The following FAM227A variants were observed in gnomAD, a reference collection of about 807,000 sequenced individuals.
The protein encoded by FAM227A is family with sequence similarity 227 member A.
FAM227A carries 80 observed loss-of-function variants against 74.7 expected under a neutral mutation model. The observed-to-expected ratio is 1.07, with a 90% confidence interval of 0.89 to 1.29. The LOEUF (loss-of-function observed/expected upper bound fraction) is 1.29. FAM227A is among the 50% of genes most tolerant of loss of function. FAM227A has a pLI of 0.00. For missense variants in FAM227A, 654 were observed against 683.4 expected (o/e 0.96, Z 0.48); for synonymous variants, 237 against 241.8 (o/e 0.98, Z 0.19).
chr22:38,651,347 C>T (rs1441898693), intron 1 of FAM227A, among the ~76,000 whole-genome samples: 1 of 152,116 alleles, frequency 6.6e-6, no homozygotes, highest in East Asian at 1.9e-4. Flanking sequence ...ACTGTGATTC[C>T]TTTTAGACTT....
In FAM227A at chr22:38,585,775, T is replaced by G. The variant is rs2090793238; in HGVS notation, c.*350A>C. The G allele has an allele frequency of 2.6e-6, 1 of 379,240 alleles. No homozygotes were observed. The highest frequency in any genetic ancestry group is 2.0e-5 in the African/African-American group (1 of 49,518). The allele number at this position is 379,240 out of a possible 1,614,324, so 23.5% of individuals were successfully genotyped here. Reference sequence around the variant, plus strand: ...AGAACTTCGGAAACCTTTCTAAACCTGGGCTTGCTGCTGCGTAAAATGCAG... The same window carrying G: ...AGAACTTCGGAAACCTTTCTAAACCGGGGCTTGCTGCTGCGTAAAATGCAG... On this transcript the variant is annotated 3_prime_UTR_variant, in exon 17 of 17. Transcript: ENST00000535113.
At chr22:38,652,938 C>T (rs947321519) in intron 1 of FAM227A, among the ~76,000 whole-genome samples, 1 of 151,638 alleles carries the variant, frequency 6.6e-6, no homozygotes, top group African/African-American at 2.4e-5. Context: ...GTATAACCCT[C>T]AGTCATACAA....
intron 2 of FAM227A, among the ~76,000 whole-genome samples, chr22:38,648,476 A>T (rs1405752182): frequency 6.6e-6 from 1 of 150,690 alleles, no homozygotes. Context: ...ACGTGGTGGC[A>T]CATGCCTGTA....
At chr22:38,592,389 T>A (rs1256170523) in intron 15 of FAM227A, among the ~76,000 whole-genome samples, 1 of 152,218 alleles carries the variant, frequency 6.6e-6, no homozygotes, top group Non-Finnish European at 1.5e-5. Context: ...CCTTTATTTC[T>A]GAAATATATA....
In FAM227A at chr22:38,628,299, TGGGCTATCC is replaced by T. The variant is rs1411356661; in HGVS notation, c.656_664del (p.Arg219_Ala221del). On this transcript the variant is annotated inframe_deletion, in exon 8 of 17. Transcript: ENST00000535113. ...ACGAAACAAAAGTAAGGCATAGTGC[TGGGCTATCC>T]GGTCAAACAGATTATTCTGGAGCTC... The T allele has an allele frequency of 1.4e-5, 21 of 1,551,520 alleles. No homozygotes were observed. The highest frequency in any genetic ancestry group is 1.8e-5 in the Non-Finnish European group (21 of 1,146,938).
At chr22:38,637,838 A>AG (rs2092036053) in intron 5 of FAM227A, among the ~76,000 whole-genome samples, 1 of 152,228 alleles carries the variant, frequency 6.6e-6, no homozygotes, top group African/African-American at 2.4e-5. Context: ...CCTAGCAGTT[A>AG]AAGGTTTGGA....
At position 38,625,401 on chromosome 22, in the gene FAM227A, AAAG is replaced by A. The variant is rs1277635450; in HGVS notation, c.850+776_850+778del. ...GAGATCCGTCTCAAAAAAAAAAAAA[AAAG>A]AAAGAAAGAAAAAGCAGGCATCAAG... is the stretch of plus-strand genomic sequence containing the variant. On this transcript the variant is annotated intron_variant, in intron 9 of 16. Transcript: ENST00000535113. Among the ~76,000 whole-genome samples, 177 of 146,994 alleles carry A rather than the reference AAAG, an allele frequency of 1.2e-3. 1 individual carries two copies. Among genetic ancestry groups the A allele is most frequent in the African/African-American group, 4.7e-3 (175 of 36,868 alleles).
At chr22:38,606,457 G>C (rs886134542) in intron 12 of FAM227A, among the ~76,000 whole-genome samples, 1 of 152,070 alleles carries the variant, frequency 6.6e-6, no homozygotes, top group Non-Finnish European at 1.5e-5. Context: ...TGTAATGTAC[G>C]CAACTAATCC....
At chr22:38,604,512 G>C (rs1434129431) in intron 13 of FAM227A, among the ~76,000 whole-genome samples, 1 of 152,164 alleles carries the variant, frequency 6.6e-6, no homozygotes, top group Non-Finnish European at 1.5e-5. Context: ...TTGTGGGGAA[G>C]GGGAGGAGGA....
intron 15 of FAM227A, 95 bp downstream of exon 15, chr22:38,597,109 C>A: frequency 8.3e-7 from 1 of 1,209,800 alleles, no homozygotes; most frequent in East Asian, 2.6e-5. Context: ...TACAGGAAAC[C>A]CCCCTGCCCC....
chr22:38,609,147 C>T (rs192341727), intron 11 of FAM227A, among the ~76,000 whole-genome samples: 47 of 152,218 alleles, frequency 3.1e-4, no homozygotes, highest in South Asian at 1.9e-3. Flanking sequence ...CCATCATATT[C>T]GCATTACAGG....
At chr22:38,596,327 C>CA (rs1201822613) in intron 15 of FAM227A, among the ~76,000 whole-genome samples, 2 of 152,048 alleles carry the variant, frequency 1.3e-5, no homozygotes, top group African/African-American at 2.4e-5. Flanking sequence ...GCTCAAAAAA[C>CA]AAAAAACAAA....
At position 38,628,275 on chromosome 22, in the gene FAM227A, C is replaced by G. The variant is rs751731557; in HGVS notation, c.689G>C (p.Arg230Pro). Reference sequence around the variant, plus strand: ...CTCTTCAGAGTGGGACTTGGGTACACGAAACAAAAGTAAGGCATAGTGCTG... The same window carrying G: ...CTCTTCAGAGTGGGACTTGGGTACAGGAAACAAAAGTAAGGCATAGTGCTG... The part of the protein sequence containing the change: ...IAQHYALLLF[R>P]VPKSHSEEAL... Residue 230 changes from arginine to proline, a missense_variant, in exon 8 of 17, where the codon CGT becomes CCT. Transcript: ENST00000535113. The G allele has an allele frequency of 6.4e-7, 1 of 1,551,286 alleles. No individual in the cohort carries two copies. The highest frequency in any genetic ancestry group is 1.4e-5 in the African/African-American group (1 of 73,070).
chr22:38,585,805 T>G lies in FAM227A; in HGVS notation c.*320A>C, dbSNP rs1359408988. On this transcript the variant is annotated 3_prime_UTR_variant, in exon 17 of 17. Transcript: ENST00000535113. Reference sequence around the variant, plus strand: ...TTGCTGCTGCGTAAAATGCAGTGGATAATCCCTACTTCATACGGCTGGTAT... The same window carrying G: ...TTGCTGCTGCGTAAAATGCAGTGGAGAATCCCTACTTCATACGGCTGGTAT... 6 of 483,574 alleles carry G rather than the reference T, an allele frequency of 1.2e-5. No individual in the cohort carries two copies. The highest frequency in any genetic ancestry group is 1.2e-4 in the African/African-American group (6 of 52,006). 30.0% of individuals were successfully genotyped at this position (483,574 alleles called of 1,614,324 possible). A position where few individuals can be genotyped will look rare whatever the true frequency, so the allele number is the denominator to read the frequency against.
intron 10 of FAM227A, 116 bp from the exon 11 acceptor site, chr22:38,620,407 G>A (rs1485365743): frequency 1.3e-6 from 1 of 763,024 alleles, no homozygotes; most frequent in African/African-American, 1.7e-5. Context: ...CAGATCTAGG[G>A]TCTCTCTGTT....
chr22:38,614,456 G>A (rs939660813), intron 11 of FAM227A, among the ~76,000 whole-genome samples: 8 of 152,146 alleles, frequency 5.3e-5, no homozygotes, highest in African/African-American at 7.2e-5. Context: ...AACAAGAGAA[G>A]GGCAGACAGG....
chr22:38,606,582 G>A (rs909428780), intron 12 of FAM227A, among the ~76,000 whole-genome samples: 2 of 152,116 alleles, frequency 1.3e-5, no homozygotes, highest in African/African-American at 2.4e-5. Context: ...GGTGCTTCCC[G>A]CTGTGGCCCT....
At chr22:38,590,946 A>G (rs1331543694) in intron 16 of FAM227A, among the ~76,000 whole-genome samples, 1 of 151,910 alleles carries the variant, frequency 6.6e-6, no homozygotes, top group Non-Finnish European at 1.5e-5. Flanking sequence ...TGCCATGCCC[A>G]GCTAATTTTT....
chr22:38,644,283 A>C (rs2092182595), intron 3 of FAM227A, among the ~76,000 whole-genome samples: 1 of 151,240 alleles, frequency 6.6e-6, no homozygotes. Context: ...GGGAGAGTAA[A>C]AACAACAGTG....
Sources: gnomAD v4.1 joint callset for allele counts (sites outside exome capture counted in the v4.1 genomes callset) on GRCh38, gnomAD v4.1.1 for gene constraint, MANE v1.5 for transcripts, NCBI Gene and HGNC (gene_info 2026-07-23, HGNC 2026-07-21) for gene names.